The following SAMMSON variants were observed in gnomAD, a reference collection of about 807,000 sequenced individuals.
SAMMSON encodes the protein survival associated mitochondrial melanoma specific oncogenic non-coding RNA, also known as long intergenic non-protein coding RNA 1212.
At chr3:70,225,368 G>A (rs1701494238) in intron 4 of SAMMSON, among the ~76,000 whole-genome samples, 1 of 152,156 alleles carries the variant, frequency 6.6e-6, no homozygotes, top group South Asian at 2.1e-4. Context: ...TGCCGTTCAA[G>A]TCGCTAGAAT....
intron 7 of SAMMSON, among the ~76,000 whole-genome samples, chr3:70,346,425 A>AT (rs972717834): frequency 6.6e-6 from 1 of 151,448 alleles, no homozygotes; most frequent in Non-Finnish European, 1.5e-5. Context: ...TGCATTTTAC[A>AT]TTTAAGTGTA....
chr3:70,248,737 G>A (rs966926768), intron 4 of SAMMSON, among the ~76,000 whole-genome samples: 2 of 152,058 alleles, frequency 1.3e-5, no homozygotes, highest in Non-Finnish European at 2.9e-5. Context: ...GTGAACAAAA[G>A]AACTCAACAG....
intron 4 of SAMMSON, among the ~76,000 whole-genome samples, chr3:70,245,671 TTATATATATATATATATA>T (rs34480688): frequency 1.3e-3 from 77 of 57,240 alleles, no homozygotes; most frequent in Admixed American, 3.7e-3. Flanking sequence ...GCAAACTGCT[TTATATATATATATATATA>T]TATATATATA....
At chr3:70,393,647 T>C (rs1701067683), downstream of SAMMSON, among the ~76,000 whole-genome samples, 1 of 152,138 alleles carries the variant, frequency 6.6e-6, no homozygotes, top group Non-Finnish European at 1.5e-5. Flanking sequence ...TGTTCATCTC[T>C]GAAGAAATGA....
intron 7 of SAMMSON, among the ~76,000 whole-genome samples, chr3:70,338,891 GA>G (rs1702687128): frequency 6.6e-6 from 1 of 152,042 alleles, no homozygotes; most frequent in South Asian, 2.1e-4. Flanking sequence ...TGCAGAATTG[GA>G]AAAAACTACT....
chr3:70,432,180 G>C (rs1234673832), intron 2 of SAMMSON, among the ~76,000 whole-genome samples: 2 of 151,734 alleles, frequency 1.3e-5, no homozygotes, highest in East Asian at 3.9e-4. Flanking sequence ...GAGAGTTCCA[G>C]TTTCTCTATA....
At chr3:70,297,598 A>G (rs1331119427) in intron 7 of SAMMSON, among the ~76,000 whole-genome samples, 1 of 152,158 alleles carries the variant, frequency 6.6e-6, no homozygotes, top group Non-Finnish European at 1.5e-5. Flanking sequence ...ATTCTTTGAA[A>G]TGAAATGCAT....
chr3:70,247,486 A>G (rs1400387462), intron 4 of SAMMSON, among the ~76,000 whole-genome samples: 1 of 151,768 alleles, frequency 6.6e-6, no homozygotes, highest in Non-Finnish European at 1.5e-5. Context: ...TATCTATTAT[A>G]TGAATTAGTT....
chr3:70,416,415 C>A (rs1701265204), intron 2 of SAMMSON, among the ~76,000 whole-genome samples: 1 of 152,080 alleles, frequency 6.6e-6, no homozygotes, highest in Non-Finnish European at 1.5e-5. Flanking sequence ...CATCTAGTTA[C>A]AAGGTTAATT....
intron 7 of SAMMSON, among the ~76,000 whole-genome samples, chr3:70,297,568 T>C (rs2106698801): frequency 6.6e-6 from 1 of 152,234 alleles, no homozygotes; most frequent in African/African-American, 2.4e-5. Flanking sequence ...TGGAGCAATA[T>C]GTATATTTGT....
chr3:70,162,163 CT>C (rs892063099), intron 4 of SAMMSON, among the ~76,000 whole-genome samples: 8 of 150,916 alleles, frequency 5.3e-5, no homozygotes, highest in African/African-American at 1.9e-4. Flanking sequence ...TTATTGTTTC[CT>C]TTCTTTTGAC....
intron 4 of SAMMSON, among the ~76,000 whole-genome samples, chr3:70,216,674 A>G (rs1306086141): frequency 6.6e-6 from 1 of 152,088 alleles, no homozygotes; most frequent in African/African-American, 2.4e-5. Flanking sequence ...CCTTCATCCT[A>G]AAGCTTATTG....
intron 9 of SAMMSON, among the ~76,000 whole-genome samples, chr3:70,381,064 T>A: frequency 6.6e-6 from 1 of 152,176 alleles, no homozygotes; most frequent in East Asian, 1.9e-4. Context: ...TACCCAGTAA[T>A]GAGACTGCTG....
chr3:70,040,366 G>A (rs1004333667), intron 3 of SAMMSON, among the ~76,000 whole-genome samples: 3 of 152,090 alleles, frequency 2.0e-5, no homozygotes, highest in Admixed American at 1.3e-4. Flanking sequence ...TGGCAACTAC[G>A]GTGCAGAAAG....
intron 4 of SAMMSON, among the ~76,000 whole-genome samples, chr3:70,213,171 G>A (rs1443735144): frequency 6.6e-6 from 1 of 151,724 alleles, no homozygotes. Context: ...ACAGGTTCTT[G>A]ATATGTTCCC....
chr3:70,130,106 G>A (rs1307337240), intron 4 of SAMMSON, among the ~76,000 whole-genome samples: 1 of 152,152 alleles, frequency 6.6e-6, no homozygotes, highest in Non-Finnish European at 1.5e-5. Flanking sequence ...CCCTCTTTAT[G>A]AATAGGGCTG....
chr3:70,051,287 T>G (rs1463097390), intron 3 of SAMMSON, among the ~76,000 whole-genome samples: 3 of 151,112 alleles, frequency 2.0e-5, no homozygotes, highest in African/African-American at 7.3e-5. Flanking sequence ...ACACTTTGAC[T>G]TCTAATTTTA....
chr3:70,220,860 T>C (rs1168325094), intron 4 of SAMMSON, among the ~76,000 whole-genome samples: 1 of 152,124 alleles, frequency 6.6e-6, no homozygotes, highest in Non-Finnish European at 1.5e-5. Context: ...CAGTTGTAAG[T>C]GTGTCTTTCC....
At chr3:70,330,044 C>T (rs1196594218) in intron 7 of SAMMSON, among the ~76,000 whole-genome samples, 2 of 151,658 alleles carry the variant, frequency 1.3e-5, no homozygotes, top group Admixed American at 1.3e-4. Context: ...GGCCAGAAAA[C>T]TTGATTCCAA....
Sources: gnomAD v4.1 joint callset for allele counts (sites outside exome capture counted in the v4.1 genomes callset) on GRCh38, gnomAD v4.1.1 for gene constraint, MANE v1.5 for transcripts, NCBI Gene and HGNC (gene_info 2026-07-23, HGNC 2026-07-21) for gene names.